The following PRDM16 variants were observed in gnomAD, a reference collection of about 807,000 sequenced individuals.
PRDM16 encodes the protein PR/SET domain 16, also known as histone-lysine N-methyltransferase PRDM16.
A neutral mutation model predicts 110.6 loss-of-function variants in PRDM16; 23 were observed. The ratio of observed to expected loss-of-function variants is 0.21; its 90% confidence interval spans 0.15 to 0.29. PRDM16 has a LOEUF of 0.29. Among genes scored for constraint, PRDM16 ranks in the 10% least tolerant of loss-of-function variants. The probability of loss-of-function intolerance (pLI) is 1.00; values close to 1 mark genes in which losing one functional copy is unlikely to be tolerated. For synonymous variants in PRDM16, 799 were observed against 781.8 expected, an observed-to-expected ratio of 1.02 and a Z score of -0.37; for missense variants, 1,615 against 1,794.3, an observed-to-expected ratio of 0.90 and a Z score of 1.81.
At chr1:3,332,237 C>T (rs182307525) in intron 3 of PRDM16, among the ~76,000 whole-genome samples, 6 of 152,384 alleles carry the variant, frequency 3.9e-5, no homozygotes, top group South Asian at 2.1e-4. Flanking sequence ...GATTCTGCCA[C>T]GCGCTGTGTA....
At chr1:3,375,025 C>T (rs1017022593) in intron 3 of PRDM16, among the ~76,000 whole-genome samples, 2 of 152,214 alleles carry the variant, frequency 1.3e-5, no homozygotes, top group African/African-American at 2.4e-5. Context: ...CTCCCAGTTC[C>T]TCAGAGCCCA....
At chr1:3,156,702 C>T (rs1643862832) in intron 1 of PRDM16, among the ~76,000 whole-genome samples, 1 of 152,186 alleles carries the variant, frequency 6.6e-6, no homozygotes, top group Non-Finnish European at 1.5e-5. Context: ...GAGAAGCCTC[C>T]GTCCTTCAGC....
At chr1:3,200,775 T>C (rs1638603502) in intron 2 of PRDM16, among the ~76,000 whole-genome samples, 1 of 152,144 alleles carries the variant, frequency 6.6e-6, no homozygotes, top group African/African-American at 2.4e-5. Context: ...TGGACAGGGC[T>C]TGGGGGTCAT....
At position 3,245,930 on chromosome 1, in the gene PRDM16, C is replaced by T. The variant is rs1569916801; in HGVS notation, c.438+1793C>T. 6.6e-6 allele frequency among the ~76,000 whole-genome samples: 1 copy of T among 152,192 alleles called. No individual in the cohort carries two copies. Among genetic ancestry groups the T allele is most frequent in the African/African-American group, 2.4e-5 (1 of 41,448 alleles). On this transcript the variant is annotated intron_variant, in intron 3 of 16. Coordinates refer to ENST00000270722, the MANE Select transcript of PRDM16 (RefSeq NM_022114.4). This position sits in a 1 kb window ranked among gnomAD's most constrained non-coding sequence, Gnocchi z 4.7. ...CCGTCTGACATTTTCAAGACGCCCTCCTTGGCTGCGCCTCTCCTGAATGCC... is the reference window on the plus strand; with the variant it reads ...CCGTCTGACATTTTCAAGACGCCCTTCTTGGCTGCGCCTCTCCTGAATGCC...
chr1:3,200,866 G>A (rs1638606032), intron 2 of PRDM16, among the ~76,000 whole-genome samples: 1 of 152,012 alleles, frequency 6.6e-6, no homozygotes, highest in African/African-American at 2.4e-5. Flanking sequence ...CTTCAGACCT[G>A]ACCACGGGCA....
intron 1 of PRDM16, among the ~76,000 whole-genome samples, chr1:3,088,709 C>T (rs1642206744): frequency 6.6e-6 from 1 of 151,132 alleles, no homozygotes; most frequent in Non-Finnish European, 1.5e-5. Context: ...CTCAGCCTCT[C>T]AGAGTGTTGG....
At chr1:3,225,782 G>A (rs1052539337) in intron 2 of PRDM16, among the ~76,000 whole-genome samples, 3 of 152,180 alleles carry the variant, frequency 2.0e-5, no homozygotes, top group African/African-American at 7.2e-5. Context: ...GGCTCCAAGT[G>A]GGCAATCGGC....
chr1:3,156,925 G>T (rs1023833353), intron 1 of PRDM16, among the ~76,000 whole-genome samples: 14 of 152,216 alleles, frequency 9.2e-5, no homozygotes, highest in Non-Finnish European at 1.9e-4. Flanking sequence ...CTGCCTCGGT[G>T]GGGACACGGG....
At chr1:3,375,706 G>T (rs1349062328) in intron 3 of PRDM16, among the ~76,000 whole-genome samples, 4 of 152,224 alleles carry the variant, frequency 2.6e-5, no homozygotes, top group Non-Finnish European at 5.9e-5. Context: ...GTGAGATCAG[G>T]ATGCATAAGT....
chr1:3,283,370 C>G (rs760512519), intron 3 of PRDM16, among the ~76,000 whole-genome samples: 1 of 152,312 alleles, frequency 6.6e-6, no homozygotes, highest in Non-Finnish European at 1.5e-5. Context: ...TCCAATGCCC[C>G]TCCCTCTGTC....
chr1:3,431,209 C>T lies in PRDM16; in HGVS notation c.3521+101C>T, dbSNP rs535216556. 3.5e-4 allele frequency: 524 copies of T among 1,477,638 alleles called. 3 individuals are homozygous for T. The East Asian group carries it at 0.012, about 33-fold the overall frequency. 91.5% of individuals were successfully genotyped at this position (1,477,638 alleles called of 1,614,324 possible). On this transcript the variant is annotated intron_variant, in intron 15 of 16. Transcript: ENST00000270722. ...CAGCCACTCGTGAGCCCATCCCTGG[C>T]TCAGCCCCTACTCCAGCACAGCCAC... is the stretch of plus-strand genomic sequence containing the variant.
rs572907355 is a variant in PRDM16, at chr1:3,377,566, G to A, written c.439-7586G>A. Among the ~76,000 whole-genome samples, 16 of 152,292 alleles carry A rather than the reference G, an allele frequency of 1.1e-4. No homozygotes were observed. In the East Asian group the frequency reaches 2.1e-3, roughly 20 times the overall value. The stretch of plus-strand genomic sequence containing the variant: ...TTATGAGCTGGGGGAGCTGCCCGGC[G>A]CCGGGGAGTGGGAGACAGTGGACAG... On this transcript the variant is annotated intron_variant, in intron 3 of 16. Coordinates refer to ENST00000270722, the MANE Select transcript of PRDM16 (RefSeq NM_022114.4).
chr1:3,180,962 A>G (rs1644148556), intron 1 of PRDM16, among the ~76,000 whole-genome samples: 2 of 128,666 alleles, frequency 1.6e-5, no homozygotes, highest in Admixed American at 1.6e-4. Context: ...ACGCAGTCTT[A>G]CACACTCGGT....
chr1:3,306,455 G>T (rs1347521419), intron 3 of PRDM16, among the ~76,000 whole-genome samples: 1 of 152,218 alleles, frequency 6.6e-6, no homozygotes, highest in Non-Finnish European at 1.5e-5. Context: ...GTGCTGACAG[G>T]TTCTGGAAGG....
chr1:3,430,671 C>T (rs976254664), intron 14 of PRDM16, among the ~76,000 whole-genome samples: 4 of 152,250 alleles, frequency 2.6e-5, no homozygotes, highest in Admixed American at 6.5e-5. Context: ...CCTCCTCTCC[C>T]GGGATCGCCC....
At chr1:3,082,146 G>A (rs1301034639) in intron 1 of PRDM16, among the ~76,000 whole-genome samples, 1 of 152,218 alleles carries the variant, frequency 6.6e-6, no homozygotes, top group Non-Finnish European at 1.5e-5. Flanking sequence ...ACGGGAACTT[G>A]ATGGGCAGGA....
At chr1:3,242,052 C>T (rs989808550) in intron 2 of PRDM16, among the ~76,000 whole-genome samples, 4 of 152,336 alleles carry the variant, frequency 2.6e-5, no homozygotes, top group Admixed American at 6.5e-5. Flanking sequence ...CATGCACTTT[C>T]CCACTGGGAA....
At chr1:3,273,192 C>G (rs1314751488) in intron 3 of PRDM16, among the ~76,000 whole-genome samples, 1 of 152,158 alleles carries the variant, frequency 6.6e-6, no homozygotes, top group Non-Finnish European at 1.5e-5. Context: ...GGTTTTTACC[C>G]AGCTCTTAAC....
At chr1:3,224,451 C>G (rs568654895) in intron 2 of PRDM16, among the ~76,000 whole-genome samples, 38 of 152,296 alleles carry the variant, frequency 2.5e-4, no homozygotes, top group African/African-American at 8.4e-4. Context: ...CACTCTCTCT[C>G]CCTCTCCCCT....
Sources: gnomAD v4.1 joint callset for allele counts (sites outside exome capture counted in the v4.1 genomes callset) on GRCh38, gnomAD v4.1.1 for gene constraint, Gnocchi (gnomAD v3.1) non-coding constraint, MANE v1.5 for transcripts, NCBI Gene and HGNC (gene_info 2026-07-23, HGNC 2026-07-21) for gene names.